Variants in MTUS2 observed in about 807,000 individuals in gnomAD.
MTUS2 encodes the protein microtubule associated scaffold protein 2.
Under a neutral mutation model 114.1 loss-of-function variants are expected in MTUS2, and 40 were observed. The ratio of observed to expected loss-of-function variants is 0.35; its 90% CI spans 0.27 to 0.46. The LOEUF (loss-of-function observed/expected upper bound fraction) is 0.46. MTUS2 is among the 20% of genes least tolerant of loss of function. The probability of loss-of-function intolerance (pLI) is 1.00; values close to 1 mark genes in which losing one functional copy is unlikely to be tolerated. For missense variants in MTUS2, 1,679 were observed against 1,705.4 expected, an observed-to-expected ratio of 0.98 and a Z score of 0.27; for synonymous variants, 688 against 672.0, an observed-to-expected ratio of 1.02 and a Z score of -0.37.
chr13:28,886,252 CA>C (rs1447616038), intron 2 of MTUS2, among the ~76,000 whole-genome samples: 1 of 152,018 alleles, frequency 6.6e-6, no homozygotes, highest in African/African-American at 2.4e-5. Flanking sequence ...GGAGTGCTGT[CA>C]TCTGACTTAA....
chr13:29,341,064 G>T (rs1359785344), intron 7 of MTUS2, among the ~76,000 whole-genome samples: 2 of 152,072 alleles, frequency 1.3e-5, no homozygotes, highest in African/African-American at 4.8e-5. Flanking sequence ...TGGGCATTTG[G>T]GCTGATTCCA....
intron 8 of MTUS2, among the ~76,000 whole-genome samples, chr13:29,366,295 A>C (rs867347959): frequency 6.6e-6 from 1 of 151,542 alleles, no homozygotes; most frequent in Non-Finnish European, 1.5e-5. Flanking sequence ...GTGCAGGGAA[A>C]CTCCCCTTTA....
At chr13:29,492,093 TGGTA>T (rs1185042462) in intron 11 of MTUS2, among the ~76,000 whole-genome samples, 5 of 145,554 alleles carry the variant, frequency 3.4e-5, no homozygotes, top group Admixed American at 1.4e-4. Context: ...TGTGAATGCG[TGGTA>T]GGTGTGTATG....
intron 6 of MTUS2, among the ~76,000 whole-genome samples, chr13:29,284,402 T>TAAA (rs565944585): frequency 1.7e-4 from 25 of 148,962 alleles, no homozygotes; most frequent in African/African-American, 5.9e-4. Context: ...AGCTATTTTT[T>TAAA]AAAAAAAAAA....
chr13:29,365,317 C>T (rs960502358), intron 8 of MTUS2, among the ~76,000 whole-genome samples: 2 of 152,128 alleles, frequency 1.3e-5, no homozygotes, highest in South Asian at 2.1e-4. Context: ...CTCAGAATAG[C>T]GAAGTCTTCT....
At chr13:29,086,197 A>G (rs1181084290) in intron 4 of MTUS2, among the ~76,000 whole-genome samples, 1 of 152,172 alleles carries the variant, frequency 6.6e-6, no homozygotes, top group Non-Finnish European at 1.5e-5. Context: ...TGTTGCATAC[A>G]TAATTTGCTA....
chr13:29,019,869 G>A (rs1886221343), intron 2 of MTUS2, among the ~76,000 whole-genome samples: 1 of 152,230 alleles, frequency 6.6e-6, no homozygotes, highest in Non-Finnish European at 1.5e-5. Context: ...CTGTTTGGAT[G>A]GTGGGAGTTT....
chr13:28,929,698 G>A (rs1593308682), intron 2 of MTUS2, among the ~76,000 whole-genome samples: 1 of 152,104 alleles, frequency 6.6e-6, no homozygotes, highest in African/African-American at 2.4e-5. Context: ...GAATGAGTCC[G>A]GAAACCTAGG....
At chr13:28,978,913 G>A (rs1326843589) in intron 2 of MTUS2, among the ~76,000 whole-genome samples, 1 of 152,068 alleles carries the variant, frequency 6.6e-6, no homozygotes, top group Non-Finnish European at 1.5e-5. Flanking sequence ...GCTCTTTCCT[G>A]GGATCTACCG....
intron 11 of MTUS2, among the ~76,000 whole-genome samples, chr13:29,492,023 TGTGTGTGTA>T (rs1882169500): frequency 2.1e-5 from 3 of 144,658 alleles, no homozygotes; most frequent in African/African-American, 7.8e-5. Flanking sequence ...GTGTGGTAGG[TGTGTGTGTA>T]GTGTGTGTGT....
intron 8 of MTUS2, among the ~76,000 whole-genome samples, chr13:29,410,327 A>G (rs1875131359): frequency 1.3e-5 from 2 of 152,060 alleles, no homozygotes; most frequent in Admixed American, 6.5e-5. Flanking sequence ...GGATTTCACC[A>G]TGTTGGCCAG....
chr13:29,453,592 G>A (rs982489446), intron 9 of MTUS2, among the ~76,000 whole-genome samples: 7 of 152,152 alleles, frequency 4.6e-5, no homozygotes, highest in Non-Finnish European at 1.0e-4. Flanking sequence ...GTTCAGAAAA[G>A]GAGGTAGGGG....
At chr13:28,995,528 A>T (rs906595560) in intron 2 of MTUS2, among the ~76,000 whole-genome samples, 1 of 152,236 alleles carries the variant, frequency 6.6e-6, no homozygotes, top group East Asian at 1.9e-4. Flanking sequence ...CTTCCTACCC[A>T]TGAGCATGGA....
At chr13:29,453,406 C>T (rs888539787) in intron 9 of MTUS2, among the ~76,000 whole-genome samples, 1 of 152,146 alleles carries the variant, frequency 6.6e-6, no homozygotes, top group Non-Finnish European at 1.5e-5. Context: ...CTTGATTGAA[C>T]ACAGATGTAC....
intron 2 of MTUS2, among the ~76,000 whole-genome samples, chr13:28,945,575 AG>A (rs1882483333): frequency 1.3e-5 from 2 of 152,194 alleles, no homozygotes; most frequent in African/African-American, 2.4e-5. Context: ...TCTGATGATT[AG>A]TGACGTCCAA....
intron 8 of MTUS2, among the ~76,000 whole-genome samples, chr13:29,390,169 T>A (rs1276011964): frequency 1.4e-5 from 2 of 147,220 alleles, no homozygotes; most frequent in African/African-American, 2.5e-5. Flanking sequence ...CACTTGTGTG[T>A]GTGTGTGTTT....
chr13:29,182,278 G>T (rs948384272), intron 5 of MTUS2, among the ~76,000 whole-genome samples: 2 of 152,176 alleles, frequency 1.3e-5, no homozygotes, highest in African/African-American at 4.8e-5. Flanking sequence ...GCCAAAACTG[G>T]GCTGTTCAGC....
chr13:29,332,288 G>A (rs976163548), intron 7 of MTUS2, among the ~76,000 whole-genome samples: 1 of 151,854 alleles, frequency 6.6e-6, no homozygotes, highest in African/African-American at 2.4e-5. Flanking sequence ...TTAGTATTGG[G>A]AGGGTGTATG....
rs569442859 is a variant in MTUS2 at position 29,362,791 on chromosome 13, T to C, written c.3117+3318T>C. On this transcript the variant is annotated intron_variant, in intron 8 of 15. Transcript: ENST00000612955. ...TATGCTGATGCCATTAATTTAAATA[T>C]GTGTTGGAAGTAAGCCTCACCACTA... 1.2e-4 allele frequency among the ~76,000 whole-genome samples: 18 copies of C among 152,358 alleles called. No homozygotes were observed. The East Asian group carries it at 3.5e-3, about 29-fold the overall frequency.
Sources: allele counts gnomAD v4.1 joint callset (sites outside exome capture counted in the v4.1 genomes callset), GRCh38; gene constraint gnomAD v4.1.1; transcripts MANE v1.5; gene names NCBI Gene and HGNC (gene_info 2026-07-23, HGNC 2026-07-21).